The following ELFN1 variants were observed in gnomAD, a reference collection of about 807,000 sequenced individuals.
The protein encoded by ELFN1 is extracellular leucine rich repeat and fibronectin type III domain containing 1.
In ELFN1, 6 loss-of-function variants were observed where a neutral mutation model predicts 7.6. The observed-to-expected ratio is 0.79, with a 90% CI of 0.43 to 1.56. ELFN1 has a LOEUF of 1.56. Ranked by LOEUF, ELFN1 falls within the 40% of genes most tolerant of loss-of-function variation. The pLI is 0.01. For synonymous variants in ELFN1, 657 were observed against 588.1 expected (o/e 1.12, Z -1.70); for missense variants, 1,169 against 1,232.2 (o/e 0.95, Z 0.77).
intron 3 of ELFN1, among the ~76,000 whole-genome samples, chr7:1,732,979 C>G (rs1042630372): frequency 4.6e-5 from 7 of 152,304 alleles, no homozygotes; most frequent in Non-Finnish European, 7.4e-5. Context: ...CAGTTCACTG[C>G]AAGCTCTGCC....
chr7:1,737,403 A>T (rs904690172), intron 3 of ELFN1, among the ~76,000 whole-genome samples: 2 of 152,158 alleles, frequency 1.3e-5, no homozygotes, highest in African/African-American at 2.4e-5. Flanking sequence ...AGCAGGCGGT[A>T]GACTGGCTGG....
intron 1 of ELFN1, among the ~76,000 whole-genome samples, chr7:1,671,904 C>G (rs2128572713): frequency 6.6e-6 from 1 of 152,292 alleles, no homozygotes; most frequent in Non-Finnish European, 1.5e-5. Context: ...CAGCCAGGAC[C>G]CCAGCACTTG....
intron 3 of ELFN1, among the ~76,000 whole-genome samples, chr7:1,737,667 C>T (rs1250321015): frequency 6.6e-6 from 1 of 152,148 alleles, no homozygotes; most frequent in Non-Finnish European, 1.5e-5. Flanking sequence ...GCAGCCCTGT[C>T]CTCTGCGCCA....
intron 3 of ELFN1, among the ~76,000 whole-genome samples, chr7:1,729,054 C>T (rs1379256311): frequency 6.6e-6 from 1 of 152,178 alleles, no homozygotes; most frequent in Admixed American, 6.5e-5. Context: ...CAGCTTAAAG[C>T]CCAGCTCCTC....
rs1424566966 is a variant in ELFN1 at position 1,673,458 on chromosome 7, A to G, written c.-549+3104A>G. Among the ~76,000 whole-genome samples, 1 of 151,996 alleles carries G rather than the reference A, an allele frequency of 6.6e-6. No individual in the cohort carries two copies. Among genetic ancestry groups the G allele is most frequent in the Non-Finnish European group, 1.5e-5 (1 of 67,972 alleles). ...GTAAACAGGAAGCAGGGTGGCAGCT[A>G]TGGGCACTCGAGCCCAGCACCGTGC... On this transcript the variant is annotated intron_variant, in intron 1 of 3. Transcript: ENST00000424383. This position sits in a 1 kb window ranked among gnomAD's most constrained non-coding sequence, Gnocchi z 4.7.
chr7:1,723,759 G>A (rs1780096873), intron 3 of ELFN1, among the ~76,000 whole-genome samples: 1 of 152,218 alleles, frequency 6.6e-6, no homozygotes, highest in Non-Finnish European at 1.5e-5. Context: ...TCATTGTCAG[G>A]CATGGAGAAG....
At chr7:1,674,628 C>T (rs1321353510) in intron 1 of ELFN1, among the ~76,000 whole-genome samples, 2 of 152,094 alleles carry the variant, frequency 1.3e-5, no homozygotes, top group Non-Finnish European at 2.9e-5. Flanking sequence ...TGACAGTGGA[C>T]GGTGACCCCC....
intron 3 of ELFN1, among the ~76,000 whole-genome samples, chr7:1,709,728 T>C (rs1779611672): frequency 6.6e-6 from 1 of 152,258 alleles, no homozygotes; most frequent in African/African-American, 2.4e-5. Context: ...GGTTCTTGTC[T>C]GGAAAAATAT....
At chr7:1,704,841 C>A (rs536035669) in intron 2 of ELFN1, among the ~76,000 whole-genome samples, 1 of 152,124 alleles carries the variant, frequency 6.6e-6, no homozygotes, top group East Asian at 1.9e-4. Flanking sequence ...CTGGGCAGGC[C>A]CCACACCAAG....
At chr7:1,690,413 A>G (rs1199646222) in intron 2 of ELFN1, among the ~76,000 whole-genome samples, 2 of 147,024 alleles carry the variant, frequency 1.4e-5, no homozygotes, top group Non-Finnish European at 3.0e-5. Flanking sequence ...GGGTGGATGA[A>G]TGGATGGATG....
chr7:1,678,840 C>T (rs186143572), intron 1 of ELFN1, among the ~76,000 whole-genome samples: 204 of 152,356 alleles, frequency 1.3e-3, no homozygotes, highest in Middle Eastern at 6.8e-3. Flanking sequence ...TTTGGCACAG[C>T]AGCGAAATCG....
intron 2 of ELFN1, among the ~76,000 whole-genome samples, chr7:1,698,412 T>C (rs1232654868): frequency 6.6e-6 from 1 of 152,164 alleles, no homozygotes; most frequent in African/African-American, 2.4e-5. Context: ...GGGTGAGGAA[T>C]GGTTGGGCCA....
At chr7:1,693,285 G>A (rs1372588492) in intron 2 of ELFN1, 1 of 453,438 alleles carries the variant, frequency 2.2e-6, no homozygotes, top group Non-Finnish European at 4.7e-6. Flanking sequence ...TACTGGCTGG[G>A]GAAAGGAACG....
Position 1,731,637 on chromosome 7 carries a change from G to T in ELFN1, c.-293-12667G>T, listed in dbSNP as rs115332319. ...AAAACCGTGACATATGCCGATTTCG[G>T]ATTGCCTTCCTTTATTTATTTATAT... On this transcript the variant is annotated intron_variant, in intron 3 of 3. Coordinates refer to ENST00000424383, the MANE Select transcript of ELFN1 (RefSeq NM_001128636.4). Among the ~76,000 whole-genome samples the T allele has an allele frequency of 5.8e-3, 878 of 152,294 alleles. 8 individuals are homozygous for T. The highest frequency in any genetic ancestry group is 0.02 in the African/African-American group (812 of 41,552).
At position 1,746,457 on chromosome 7, in the gene ELFN1, G is replaced by A. The variant is rs1333959624; in HGVS notation, c.1861G>A (p.Gly621Ser). ...FLAPGYKDAFGHSLQRHHSVE... is the reference protein window; with the variant it reads ...FLAPGYKDAFSHSLQRHHSVE... The stretch of plus-strand genomic sequence containing the variant: ...GGCGCCCGGGTACAAGGACGCCTTC[G>A]GCCACAGCCTGCAGCGGCACCACAG... Residue 621 changes from glycine to serine, a missense_variant, in exon 4 of 4, where the codon GGC becomes AGC. This residue lies in a region of ELFN1 where 914 missense variants were observed against 872.6 expected (regional missense o/e 1.05). Coordinates refer to ENST00000424383, the MANE Select transcript of ELFN1 (RefSeq NM_001128636.4). The A allele has an allele frequency of 9.8e-6, 15 of 1,526,346 alleles. No homozygotes were observed. Among genetic ancestry groups the A allele is most frequent in the African/African-American group, 2.8e-5 (2 of 72,436 alleles). The allele number at this position is 1,526,346 out of a possible 1,614,324, so 94.6% of individuals were successfully genotyped here.
chr7:1,725,500 A>G (rs1190633063), intron 3 of ELFN1, among the ~76,000 whole-genome samples: 1 of 151,756 alleles, frequency 6.6e-6, no homozygotes, highest in Non-Finnish European at 1.5e-5. Context: ...GTGGGGTGGG[A>G]GCAGAACACA....
rs373314329 is a variant in ELFN1, at chr7:1,744,902, C to T, written c.306C>T (p.Gly102=). The T allele has an allele frequency of 3.2e-5, 50 of 1,555,866 alleles. No individual in the cohort carries two copies. The highest frequency in any genetic ancestry group is 2.7e-4 in the African/African-American group (20 of 73,488). The change falls in exon 4 of 4, where the codon GGC becomes GGT. Residue 102 remains glycine, a synonymous_variant. Coordinates refer to ENST00000424383, the MANE Select transcript of ELFN1 (RefSeq NM_001128636.4). ...ACGAGATCGGCTACATCGAGGACGG[C>T]GCCTTCTCGGGCCAGTTCAACCTGC... ...TKNEIGYIED[G]AFSGQFNLQV...
chr7:1,747,235 A>C lies in ELFN1; in HGVS notation c.*152A>C. ...AGGGGGGAGCGAGTGGGGACAGACA[A>C]GGGGGACACGTCCCGAGCTCCTGTG... On this transcript the variant is annotated 3_prime_UTR_variant, in exon 4 of 4. Transcript: ENST00000424383. 3.3e-6 allele frequency: 3 copies of C among 900,494 alleles called. No homozygotes were observed. The highest frequency in any genetic ancestry group is 4.7e-6 in the Non-Finnish European group (3 of 638,226). The allele number at this position is 900,494 out of a possible 1,614,324, so 55.8% of individuals were successfully genotyped here.
intron 1 of ELFN1, among the ~76,000 whole-genome samples, chr7:1,684,997 G>A (rs1779039196): frequency 6.6e-6 from 1 of 152,166 alleles, no homozygotes; most frequent in African/African-American, 2.4e-5. Flanking sequence ...TTTCCTTTCA[G>A]CCTAAAGGAC....
Sources: gnomAD v4.1 joint callset for allele counts (sites outside exome capture counted in the v4.1 genomes callset) on GRCh38, gnomAD v4.1.1 for gene constraint, gnomAD v4.1.1 regional missense constraint, Gnocchi (gnomAD v3.1) non-coding constraint, MANE v1.5 for transcripts, NCBI Gene and HGNC (gene_info 2026-07-23, HGNC 2026-07-21) for gene names.